The following PIGU variants were observed in gnomAD, a reference collection of about 807,000 sequenced individuals.
PIGU encodes phosphatidylinositol glycan anchor biosynthesis class U, also known as GPI-anchor transamidase component PIGU.
A neutral mutation model predicts 49.9 loss-of-function variants in PIGU; 24 were observed. That is an observed-to-expected ratio of 0.48 (90% confidence interval 0.35 to 0.68). The LOEUF (loss-of-function observed/expected upper bound fraction) is 0.68. Ranked by LOEUF, PIGU falls within the 30% of genes least tolerant of loss-of-function variation. The probability of loss-of-function intolerance (pLI) is 0.01; values close to 1 mark genes in which losing one functional copy is unlikely to be tolerated. For missense variants in PIGU, 490 were observed against 532.6 expected, an observed-to-expected ratio of 0.92 and a Z score of 0.79; for synonymous variants, 220 against 205.7, an observed-to-expected ratio of 1.07 and a Z score of -0.59.
intron 2 of PIGU, among the ~76,000 whole-genome samples, chr20:34,647,097 G>A (rs1986373503): frequency 1.3e-5 from 2 of 152,130 alleles, no homozygotes; most frequent in East Asian, 1.9e-4. Context: ...CCGCCTCCCG[G>A]GTTCAAGCGA....
chr20:34,659,052 A>G (rs1447615110), intron 1 of PIGU, among the ~76,000 whole-genome samples: 1 of 141,098 alleles, frequency 7.1e-6, no homozygotes. Context: ...CTGCCCGGCC[A>G]GCTGCCCCGT....
intron 11 of PIGU, among the ~76,000 whole-genome samples, chr20:34,566,822 C>G (rs1160954511): frequency 6.6e-6 from 1 of 152,198 alleles, no homozygotes; most frequent in Admixed American, 6.5e-5. Flanking sequence ...CTGCTACATG[C>G]CAGGCCTGTG....
chr20:34,598,649 C>T (rs539319353), intron 7 of PIGU, among the ~76,000 whole-genome samples: 16 of 152,334 alleles, frequency 1.1e-4, no homozygotes, highest in Admixed American at 8.5e-4. Context: ...GTTATTCCAA[C>T]CACCACTTAT....
intron 6 of PIGU, among the ~76,000 whole-genome samples, chr20:34,622,760 C>A (rs372388648): frequency 6.6e-6 from 1 of 152,136 alleles, no homozygotes; most frequent in Non-Finnish European, 1.5e-5. Context: ...AATGATATAA[C>A]CTACCATTTG....
intron 6 of PIGU, among the ~76,000 whole-genome samples, chr20:34,618,722 G>A (rs1011938909): frequency 6.6e-6 from 1 of 152,202 alleles, no homozygotes; most frequent in African/African-American, 2.4e-5. Context: ...TAGAGGTTGA[G>A]GCTGCAGTGA....
At chr20:34,597,468 T>G (rs748225426) in intron 7 of PIGU, among the ~76,000 whole-genome samples, 2 of 152,136 alleles carry the variant, frequency 1.3e-5, no homozygotes, top group Non-Finnish European at 2.9e-5. Context: ...TCTGAGGAAA[T>G]AGGAGTGGGA....
chr20:34,673,826 G>A (rs1189796019), intron 1 of PIGU, among the ~76,000 whole-genome samples: 1 of 152,290 alleles, frequency 6.6e-6, no homozygotes, highest in African/African-American at 2.4e-5. Context: ...AGGCCAAGGC[G>A]GGCGGATCAC....
Position 34,677,024 on chromosome 20 carries a change from C to T in PIGU, c.62G>A (p.Arg21His), listed in dbSNP as rs780998274. ...VAVTVRAALF[R>H]SSLAEFISER... ...GGAAATGAACTCGGCCAGACTGGAG[C>T]GGAACAAGGCCGCCCGCACTGTCAC... is the stretch of plus-strand genomic sequence containing the variant. Residue 21 changes from arginine to histidine, a missense_variant, in exon 1 of 12, where the codon CGC becomes CAC. Physicochemically the swap from Arg to His is conservative, Grantham distance 29 (BLOSUM62 0). Transcript: ENST00000217446. 54 of 1,582,030 alleles carry T rather than the reference C, an allele frequency of 3.4e-5. No individual in the cohort carries two copies. Among genetic ancestry groups the T allele is most frequent in the Non-Finnish European group, 4.2e-5 (49 of 1,164,730 alleles).
intron 5 of PIGU, 96 bp from the exon 6 acceptor site, chr20:34,634,811 C>CTTT: frequency 1.3e-6 from 2 of 1,500,690 alleles, no homozygotes; most frequent in South Asian, 1.2e-5. Context: ...TAAAAGCTTA[C>CTTT]GCAAAGGAAG....
chr20:34,599,248 C>T (rs1167222049), intron 7 of PIGU, among the ~76,000 whole-genome samples: 1 of 151,910 alleles, frequency 6.6e-6, no homozygotes, highest in Non-Finnish European at 1.5e-5. Context: ...AATCCAGGAG[C>T]TTGAGACCAG....
At chr20:34,594,752 T>C (rs4410355) in intron 7 of PIGU, among the ~76,000 whole-genome samples, 125,964 of 151,712 alleles carry the variant, frequency 0.83, 52,561 homozygotes, top group Admixed American at 0.91. Context: ...CCAGCTTGGG[T>C]GACAAGAGCC....
intron 2 of PIGU, among the ~76,000 whole-genome samples, chr20:34,650,698 C>CTTTTTTTTTTTTTTTT (rs1568658806): frequency 2.3e-5 from 1 of 43,950 alleles, no homozygotes; most frequent in Non-Finnish European, 4.8e-5. Flanking sequence ...TTCTTTTTTT[C>CTTTTTTTTTTTTTTTT]TCTTTTTTTT....
intron 9 of PIGU, among the ~76,000 whole-genome samples, chr20:34,582,376 C>A (rs1483023435): frequency 6.6e-6 from 1 of 152,152 alleles, no homozygotes; most frequent in African/African-American, 2.4e-5. Flanking sequence ...ATCTCAACCA[C>A]CCCTCAAGGC....
At chr20:34,584,121 C>T (rs1013181862) in intron 9 of PIGU, among the ~76,000 whole-genome samples, 5 of 152,182 alleles carry the variant, frequency 3.3e-5, no homozygotes, top group Non-Finnish European at 7.3e-5. Context: ...GTCTAAATCC[C>T]AGCTCCACTG....
chr20:34,642,309 A>T (rs944969080), intron 4 of PIGU, among the ~76,000 whole-genome samples: 1 of 152,078 alleles, frequency 6.6e-6, no homozygotes, highest in East Asian at 1.9e-4. Context: ...TCCCATGCTC[A>T]AGCCATCCAC....
chr20:34,675,901 G>A (rs1001877174), intron 1 of PIGU, among the ~76,000 whole-genome samples: 1 of 152,046 alleles, frequency 6.6e-6, no homozygotes, highest in African/African-American at 2.4e-5. Flanking sequence ...ACACAAAGGG[G>A]ACTTCTGGGG....
At chr20:34,620,594 G>A (rs1353830433) in intron 6 of PIGU, among the ~76,000 whole-genome samples, 2 of 151,932 alleles carry the variant, frequency 1.3e-5, no homozygotes, top group Non-Finnish European at 2.9e-5. Context: ...GGCGGATCAC[G>A]AGGTCGGGAG....
intron 1 of PIGU, among the ~76,000 whole-genome samples, chr20:34,662,955 G>A (rs180745934): frequency 5.9e-5 from 9 of 152,152 alleles, no homozygotes; most frequent in Admixed American, 2.6e-4. Context: ...CATCCAGACT[G>A]GAGTACAGGA....
intron 2 of PIGU, among the ~76,000 whole-genome samples, chr20:34,653,344 G>T (rs1986603395): frequency 6.6e-6 from 1 of 152,098 alleles, no homozygotes; most frequent in Non-Finnish European, 1.5e-5. Flanking sequence ...ATTGAGAAAG[G>T]GATATTGAAA....
Sources: allele counts gnomAD v4.1 joint callset (sites outside exome capture counted in the v4.1 genomes callset), GRCh38; gene constraint gnomAD v4.1.1; transcripts MANE v1.5; gene names NCBI Gene and HGNC (gene_info 2026-07-23, HGNC 2026-07-21).